Variants in PDK3 observed in about 807,000 individuals in gnomAD.
The protein encoded by PDK3 is pyruvate dehydrogenase kinase 3.
Under a neutral mutation model 32.0 loss-of-function variants are expected in PDK3, and 12 were observed. That is an observed-to-expected ratio of 0.37 (90% CI 0.24 to 0.61). The LOEUF (loss-of-function observed/expected upper bound fraction) is 0.61. PDK3 is among the 20% of genes least tolerant of loss of function. The pLI, the probability that PDK3 is intolerant of heterozygous loss-of-function variation, is 0.65. For missense variants in PDK3, 188 were observed against 316.9 expected (o/e 0.59, Z 3.09); for synonymous variants, 122 against 116.3 (o/e 1.05, Z -0.31).
intron 1 of PDK3, among the ~76,000 whole-genome samples, chrX:24,492,689 C>T (rs895175679): frequency 9.0e-6 from 1 of 110,504 alleles, no homozygotes; most frequent in African/African-American, 3.3e-5. Flanking sequence ...GGGACTGTCT[C>T]TATATTATTT....
chrX:24,532,870 T>G lies in PDK3; in HGVS notation c.1078-1059T>G, dbSNP rs757366803. On this transcript the variant is annotated intron_variant, in intron 10 of 10. Transcript: ENST00000379162. ...CATTCTTTTAAACAGTGGCATAACA[T>G]GCCACTGTGGGTCAAGCATCCCTAA... Among the ~76,000 whole-genome samples the G allele has an allele frequency of 1.4e-3, 157 of 111,200 alleles. 1 individual carries two copies. The highest frequency in any genetic ancestry group is 1.8e-3 in the Non-Finnish European group (98 of 53,032).
chrX:24,465,712 G>C (rs1940057324), intron 1 of PDK3, 151 bp downstream of exon 1: 1 of 455,557 alleles, frequency 2.2e-6, no homozygotes, highest in African/African-American at 2.5e-5. Context: ...CGGATTTCGG[G>C]GCGCGGAGGG....
intron 3 of PDK3, among the ~76,000 whole-genome samples, chrX:24,501,137 G>A (rs1339603537): frequency 9.0e-6 from 1 of 111,307 alleles, no homozygotes; most frequent in East Asian, 2.8e-4. Flanking sequence ...TAAGTAAAAA[G>A]AAAGTCACCC....
At chrX:24,496,771 CTTTTTTTTTTTTTT>C (rs376346872) in intron 2 of PDK3, among the ~76,000 whole-genome samples, 4 of 35,393 alleles carry the variant, frequency 1.1e-4, no homozygotes, top group Non-Finnish European at 1.9e-4. Context: ...TCAAAATAAT[CTTTTTTTTTTTTTT>C]TTTTTTTTTT....
downstream of PDK3, among the ~76,000 whole-genome samples, chrX:24,538,608 G>T (rs1049752294): frequency 2.1e-4 from 23 of 110,594 alleles, 1 homozygote; most frequent in Admixed American, 1.5e-3. Flanking sequence ...GCAAAACCCC[G>T]TCTCTATTAA....
chrX:24,525,818 G>A (rs1278607562), intron 6 of PDK3, among the ~76,000 whole-genome samples: 2 of 111,954 alleles, frequency 1.8e-5, no homozygotes, highest in Non-Finnish European at 3.8e-5. Flanking sequence ...ACATTCTCCC[G>A]TGGAATTCCC....
At chrX:24,487,380 A>G (rs2148185328) in intron 1 of PDK3, among the ~76,000 whole-genome samples, 1 of 112,063 alleles carries the variant, frequency 8.9e-6, no homozygotes, top group African/African-American at 3.2e-5. Context: ...AAACTACTAG[A>G]CGGAGGGGGA....
intron 1 of PDK3, 150 bp downstream of exon 1, chrX:24,465,711 G>A (rs1940057277): frequency 4.4e-6 from 2 of 454,943 alleles, no homozygotes; most frequent in Admixed American, 8.1e-5. Context: ...TCGGATTTCG[G>A]GGCGCGGAGG....
At chrX:24,526,700 C>T (rs1443990829) in intron 7 of PDK3, among the ~76,000 whole-genome samples, 1 of 111,812 alleles carries the variant, frequency 8.9e-6, no homozygotes, top group Non-Finnish European at 1.9e-5. Context: ...CCTGAGAGAT[C>T]CTGCAACTCT....
intron 1 of PDK3, among the ~76,000 whole-genome samples, chrX:24,474,289 G>C (rs1456489728): frequency 9.0e-6 from 1 of 111,563 alleles, no homozygotes; most frequent in Admixed American, 9.5e-5. Context: ...CAGAGCAGGT[G>C]CTCCATAAAT....
chrX:24,539,521 T>A (rs911265224), exon 12 of PDK3: 1 of 160,568 alleles, frequency 6.2e-6, no homozygotes, highest in African/African-American at 3.1e-5. Flanking sequence ...CCATTCCAGA[T>A]ACAGCAGATC....
At chrX:24,548,926 G>A (rs1006141273) in exon 12 of PDK3, 3 of 111,554 alleles carry the variant, frequency 2.7e-5, no homozygotes, top group Non-Finnish European at 3.8e-5. Context: ...TGTTTCTATC[G>A]TGGCACCGCT....
chrX:24,500,865 T>C (rs1921837806), intron 3 of PDK3, among the ~76,000 whole-genome samples: 1 of 111,820 alleles, frequency 8.9e-6, no homozygotes, highest in Non-Finnish European at 1.9e-5. Flanking sequence ...ATTGAGCCAT[T>C]GAGGTAAGTC....
At chrX:24,546,889 G>A (rs186982573) in exon 12 of PDK3, 1 of 112,868 alleles carries the variant, frequency 8.9e-6, no homozygotes, top group Non-Finnish European at 1.9e-5. Flanking sequence ...CTAAGCAAAT[G>A]TCTGATATAG....
chrX:24,498,533 T>C (rs377073514), intron 2 of PDK3, among the ~76,000 whole-genome samples: 32 of 112,334 alleles, frequency 2.8e-4, no homozygotes, highest in Middle Eastern at 4.2e-3. Context: ...TGTCCATTCC[T>C]GAGCCATTCC....
chrX:24,530,856 C>T (rs951261330), intron 9 of PDK3, among the ~76,000 whole-genome samples: 3 of 111,787 alleles, frequency 2.7e-5, no homozygotes, highest in African/African-American at 6.5e-5. Flanking sequence ...CTCACATTCC[C>T]GGAACCTTAG....
At chrX:24,498,707 G>A (rs756153657) in intron 2 of PDK3, 122 bp from the exon 3 acceptor site, 21 of 395,807 alleles carry the variant, frequency 5.3e-5, no homozygotes, top group African/African-American at 3.1e-4. Flanking sequence ...TGGGGGATGC[G>A]GATGGGATGG....
chrX:24,498,254 G>GA (rs1921765457), intron 2 of PDK3, among the ~76,000 whole-genome samples: 1 of 111,524 alleles, frequency 9.0e-6, no homozygotes, highest in Admixed American at 9.5e-5. Flanking sequence ...AAATGCAACC[G>GA]AACCTGGCTC....
intron 5 of PDK3, among the ~76,000 whole-genome samples, chrX:24,517,335 G>T (rs1393566496): frequency 2.7e-5 from 3 of 110,897 alleles, no homozygotes; most frequent in African/African-American, 9.9e-5. Context: ...CAATTCTCCT[G>T]CCTCAGCCTC....
Sources: allele counts gnomAD v4.1 joint callset (sites outside exome capture counted in the v4.1 genomes callset), GRCh38; gene constraint gnomAD v4.1.1; transcripts MANE v1.5; gene names NCBI Gene and HGNC (gene_info 2026-07-23, HGNC 2026-07-21).